Variants in RNF24 observed in about 807,000 individuals in gnomAD.
RNF24 encodes ring finger protein 24.
RNF24 carries 14 observed loss-of-function variants against 20.0 expected under a neutral mutation model. The observed-to-expected ratio is 0.70, with a 90% confidence interval of 0.46 to 1.10. The LOEUF (loss-of-function observed/expected upper bound fraction) is 1.10. Among genes scored for constraint, RNF24 ranks in the 50% least tolerant of loss-of-function variants. RNF24 has a pLI of 0.00. For synonymous variants in RNF24, 45 were observed against 61.1 expected (o/e 0.74, Z 1.23); for missense variants, 124 against 177.6 (o/e 0.70, Z 1.71).
At chr20:4,011,018 C>T (rs1374520642) in intron 1 of RNF24, among the ~76,000 whole-genome samples, 1 of 152,126 alleles carries the variant, frequency 6.6e-6, no homozygotes, top group African/African-American at 2.4e-5. Flanking sequence ...CATATACAGC[C>T]TTTTTGGAAA....
At chr20:3,938,984 C>T (rs948205944) in intron 4 of RNF24, among the ~76,000 whole-genome samples, 4 of 152,066 alleles carry the variant, frequency 2.6e-5, no homozygotes, top group Non-Finnish European at 5.9e-5. Context: ...AACTCCTGAG[C>T]TCAAGCAATC....
chr20:4,007,465 A>C (rs1981968101), intron 1 of RNF24, among the ~76,000 whole-genome samples: 1 of 152,148 alleles, frequency 6.6e-6, no homozygotes, highest in South Asian at 2.1e-4. Context: ...TCTGTTGATG[A>C]TATATTGGGT....
intron 4 of RNF24, among the ~76,000 whole-genome samples, chr20:3,937,830 GT>G (rs1174585946): frequency 6.6e-6 from 1 of 152,048 alleles, no homozygotes; most frequent in African/African-American, 2.4e-5. Flanking sequence ...CTGTATGTAT[GT>G]ACCGCATTTT....
intron 2 of RNF24, among the ~76,000 whole-genome samples, chr20:3,956,733 T>C (rs1294088142): frequency 6.6e-6 from 1 of 152,236 alleles, no homozygotes; most frequent in Non-Finnish European, 1.5e-5. Flanking sequence ...AATTTAAAGC[T>C]ATAGCTTTCT....
intron 4 of RNF24, among the ~76,000 whole-genome samples, chr20:3,940,565 A>C (rs1016329079): frequency 4.6e-5 from 7 of 152,306 alleles, no homozygotes; most frequent in African/African-American, 1.7e-4. Flanking sequence ...TGGCAAAAAA[A>C]CCTATATATT....
Position 3,964,010 on chromosome 20 carries a change from G to A in RNF24, c.8C>T (p.Ser3Leu), listed in dbSNP as rs1315323621. 21 of 1,612,710 alleles carry A rather than the reference G, an allele frequency of 1.3e-5. No homozygotes were observed. The highest frequency in any genetic ancestry group is 1.6e-4 in the Middle Eastern group (1 of 6,076). ...CCTGAAGTTGTAATGTGGGAAATCC[G>A]AGCTCATGGATGAACTGTGGGGGAA... MS[S>L]DFPHYNFRMP... is the part of the protein sequence containing the mutation. The change falls in exon 2 of 6, where the codon TCG becomes TTG. Residue 3 changes from serine (S) to leucine (L), a missense_variant. By Grantham distance (145) the Ser-to-Leu change is moderately radical (BLOSUM62 -2). Transcript: ENST00000358395.
At chr20:3,946,040 A>G (rs2014074606) in intron 3 of RNF24, among the ~76,000 whole-genome samples, 1 of 152,212 alleles carries the variant, frequency 6.6e-6, no homozygotes, top group Non-Finnish European at 1.5e-5. Flanking sequence ...CCTATCCAGT[A>G]TATTTTAAAG....
chr20:3,984,735 T>C (rs1408021707), intron 1 of RNF24, among the ~76,000 whole-genome samples: 1 of 152,178 alleles, frequency 6.6e-6, no homozygotes, highest in Non-Finnish European at 1.5e-5. Flanking sequence ...ATTGTTTGAG[T>C]TTAAAGTTTG....
At chr20:3,935,414 C>A (rs572718701) in intron 4 of RNF24, among the ~76,000 whole-genome samples, 1 of 152,128 alleles carries the variant, frequency 6.6e-6, no homozygotes, top group South Asian at 2.1e-4. Context: ...CCTGGTGTGC[C>A]GAAAGAGCTG....
intron 2 of RNF24, among the ~76,000 whole-genome samples, chr20:3,959,821 C>A (rs1217511868): frequency 6.6e-6 from 1 of 152,204 alleles, no homozygotes; most frequent in Admixed American, 6.5e-5. Flanking sequence ...TACTAGGGAA[C>A]CGTTCATTCA....
At chr20:3,993,043 G>A (rs568619016) in intron 1 of RNF24, among the ~76,000 whole-genome samples, 1 of 152,274 alleles carries the variant, frequency 6.6e-6, no homozygotes, top group South Asian at 2.1e-4. Context: ...TTAGCCTGAT[G>A]TATAATCCCT....
Position 3,933,242 on chromosome 20 carries a change from G to A in RNF24, c.*821C>T, listed in dbSNP as rs2090847263. The A allele has an allele frequency of 5.0e-6, 2 of 398,178 alleles. No homozygotes were observed. The allele number at this position is 398,178 out of a possible 1,614,324, so 24.7% of individuals were successfully genotyped here. A position where few individuals can be genotyped will look rare whatever the true frequency, so the allele number is the denominator to read the frequency against. ...GGAGCCACTCGAGAGGTTCACAGTG[G>A]CTCCCTTCTGAGGCAGTGGCAGTGG... is the stretch of plus-strand genomic sequence containing the variant. On this transcript the variant is annotated 3_prime_UTR_variant, in exon 6 of 6. Coordinates refer to ENST00000358395, the MANE Select transcript of RNF24 (RefSeq NM_001134337.3).
intron 1 of RNF24, among the ~76,000 whole-genome samples, chr20:4,012,756 C>A (rs1477244939): frequency 6.6e-6 from 1 of 152,134 alleles, no homozygotes; most frequent in African/African-American, 2.4e-5. Flanking sequence ...CAAGGCCAGG[C>A]TGTGTTTAGG....
At chr20:3,944,148 T>A (rs1427099001) in intron 4 of RNF24, among the ~76,000 whole-genome samples, 1 of 149,686 alleles carries the variant, frequency 6.7e-6, no homozygotes, top group Non-Finnish European at 1.5e-5. Context: ...AGGCGGAGTT[T>A]GTAGTGAGCG....
intron 1 of RNF24, among the ~76,000 whole-genome samples, chr20:3,984,141 G>A (rs1979675725): frequency 6.6e-6 from 1 of 151,322 alleles, no homozygotes; most frequent in Admixed American, 6.6e-5. Context: ...GAGGTGGGAA[G>A]ACTGCTTGAG....
intron 4 of RNF24, among the ~76,000 whole-genome samples, chr20:3,941,237 GGT>G (rs2090951648): frequency 1.3e-5 from 2 of 152,124 alleles, no homozygotes; most frequent in East Asian, 3.9e-4. Flanking sequence ...TGCCCAGGCT[GGT>G]CTCGATCTTC....
intron 1 of RNF24, among the ~76,000 whole-genome samples, chr20:3,990,317 G>A (rs1044549215): frequency 6.6e-6 from 1 of 152,106 alleles, no homozygotes; most frequent in Non-Finnish European, 1.5e-5. Context: ...CAGTGGAATT[G>A]TGAGTAGAAT....
chr20:3,971,791 T>C (rs1978376327), intron 1 of RNF24, among the ~76,000 whole-genome samples: 1 of 151,760 alleles, frequency 6.6e-6, no homozygotes, highest in Non-Finnish European at 1.5e-5. Flanking sequence ...TGAAAACAAA[T>C]AGAAAACAAA....
At chr20:3,975,911 C>A (rs936229627) in intron 1 of RNF24, among the ~76,000 whole-genome samples, 1 of 152,048 alleles carries the variant, frequency 6.6e-6, no homozygotes, top group Non-Finnish European at 1.5e-5. Context: ...CTCAGCCTCC[C>A]TAGTAGCTGG....
Sources: allele counts gnomAD v4.1 joint callset (sites outside exome capture counted in the v4.1 genomes callset), GRCh38; gene constraint gnomAD v4.1.1; transcripts MANE v1.5; gene names NCBI Gene and HGNC (gene_info 2026-07-23, HGNC 2026-07-21).